Variants in SAV1 observed in about 807,000 individuals in gnomAD.
The protein encoded by SAV1 is protein salvador homolog 1.
SAV1 carries 23 observed loss-of-function variants against 47.3 expected under a neutral mutation model. The observed-to-expected ratio is 0.49, with a 90% CI of 0.35 to 0.69. The LOEUF is 0.69. SAV1 is among the 30% of genes least tolerant of loss of function. The probability of loss-of-function intolerance (pLI) is 0.01; values close to 1 mark genes in which losing one functional copy is unlikely to be tolerated. For synonymous variants in SAV1, 155 were observed against 159.2 expected (o/e 0.97, Z 0.20); for missense variants, 448 against 457.4 (o/e 0.98, Z 0.19).
intron 1 of SAV1, among the ~76,000 whole-genome samples, chr14:50,666,403 C>T (rs535899240): frequency 2.3e-4 from 35 of 152,244 alleles, no homozygotes; most frequent in Non-Finnish European, 4.6e-4. Flanking sequence ...AAGCAAATAC[C>T]TTTAAAACAA....
chr14:50,667,371 A>G (rs2039910793), intron 1 of SAV1: 1 of 455,190 alleles, frequency 2.2e-6, no homozygotes, highest in Non-Finnish European at 4.4e-6. Flanking sequence ...GAACGACGGT[A>G]TGCTTTTCAC....
chr14:50,645,571 TAA>T (rs578119398), intron 2 of SAV1, among the ~76,000 whole-genome samples: 2 of 145,978 alleles, frequency 1.4e-5, no homozygotes, highest in African/African-American at 5.0e-5. Flanking sequence ...TATTCCAAAA[TAA>T]AAAAAAAAAT....
At chr14:50,643,049 A>C (rs1047059782) in intron 3 of SAV1, among the ~76,000 whole-genome samples, 1 of 152,218 alleles carries the variant, frequency 6.6e-6, no homozygotes, top group African/African-American at 2.4e-5. Flanking sequence ...ACCTAATGTA[A>C]GTCAAGAATT....
intron 2 of SAV1, among the ~76,000 whole-genome samples, chr14:50,655,221 A>G (rs1215978956): frequency 6.6e-6 from 1 of 152,198 alleles, no homozygotes; most frequent in Non-Finnish European, 1.5e-5. Context: ...AAATTACTTT[A>G]CATTCTAATA....
At chr14:50,658,036 T>C (rs1389791466) in intron 2 of SAV1, among the ~76,000 whole-genome samples, 1 of 152,168 alleles carries the variant, frequency 6.6e-6, no homozygotes, top group African/African-American at 2.4e-5. Flanking sequence ...CTACACATTA[T>C]TAGCATGTGT....
At chr14:50,666,675 C>A (rs2039903844) in intron 1 of SAV1, among the ~76,000 whole-genome samples, 1 of 151,870 alleles carries the variant, frequency 6.6e-6, no homozygotes, top group African/African-American at 2.4e-5. Flanking sequence ...AAACATAATT[C>A]ACGATTTCAA....
At chr14:50,660,283 C>CA (rs1566747295) in intron 2 of SAV1, among the ~76,000 whole-genome samples, 1 of 152,192 alleles carries the variant, frequency 6.6e-6, no homozygotes, top group Non-Finnish European at 1.5e-5. Flanking sequence ...CCCTAGCCCC[C>CA]TGCCTGCCAA....
rs1400233277 is a variant in SAV1 at position 50,668,116 on chromosome 14, G to C, written c.-149C>G. 2.5e-6 allele frequency: 1 copy of C among 401,820 alleles called. No individual in the cohort carries two copies. The highest frequency in any genetic ancestry group is 4.6e-5 in the East Asian group (1 of 21,948). The allele number at this position is 401,820 out of a possible 1,614,324, so 24.9% of individuals were successfully genotyped here. On this transcript the variant is annotated 5_prime_UTR_variant, in exon 1 of 5. Coordinates refer to ENST00000324679, the MANE Select transcript of SAV1 (RefSeq NM_021818.4). ...CGCCGCCGCCTGTCCGGAGCCCGGG[G>C]TCGCCCGCAGGGACTGCCGCATGTT...
chr14:50,660,911 A>G, intron 2 of SAV1, among the ~76,000 whole-genome samples: 1 of 152,212 alleles, frequency 6.6e-6, no homozygotes, highest in East Asian at 1.9e-4. Flanking sequence ...AAATGACATG[A>G]TAAACATGGG....
At chr14:50,661,013 G>A (rs1445270813) in intron 2 of SAV1, among the ~76,000 whole-genome samples, 2 of 152,122 alleles carry the variant, frequency 1.3e-5, no homozygotes, top group South Asian at 2.1e-4. Flanking sequence ...TTCTGTTTTC[G>A]GTTTTCTGAG....
chr14:50,665,251 C>G lies in SAV1; in HGVS notation c.463G>C (p.Asp155His). The change falls in exon 2 of 5, where the codon GAC becomes CAC. Residue 155 changes from aspartate (D) to histidine (H), a missense_variant. By Grantham distance (81) the Asp-to-His change is moderately conservative. Coordinates refer to ENST00000324679, the MANE Select transcript of SAV1 (RefSeq NM_021818.4). ...TGGTTGTATTCATAATATCTGTAGT[C>G]TTCATGTGCACGATCTCCAAGTGGC... ...KRPLGDRAHE[D>H]YRYYEYNHDL... 1 of 1,613,730 alleles carries G rather than the reference C, an allele frequency of 6.2e-7. No individual in the cohort carries two copies. The highest frequency in any genetic ancestry group is 8.5e-7 in the Non-Finnish European group (1 of 1,179,766).
At chr14:50,636,221 A>C (rs2039633685) in intron 4 of SAV1, among the ~76,000 whole-genome samples, 1 of 152,212 alleles carries the variant, frequency 6.6e-6, no homozygotes, top group South Asian at 2.1e-4. Context: ...TCAGGAACTT[A>C]AGAATACTTT....
intron 2 of SAV1, among the ~76,000 whole-genome samples, chr14:50,652,892 G>T (rs748261078): frequency 6.6e-6 from 1 of 152,164 alleles, no homozygotes; most frequent in Admixed American, 6.5e-5. Flanking sequence ...TTAGCCAGGC[G>T]TGGTGGCACG....
At chr14:50,655,669 A>G (rs560441085) in intron 2 of SAV1, among the ~76,000 whole-genome samples, 1 of 151,710 alleles carries the variant, frequency 6.6e-6, no homozygotes, top group South Asian at 2.1e-4. Flanking sequence ...TAGGTGATCC[A>G]TCTGTCTTGG....
chr14:50,657,313 C>G (rs1473385286), intron 2 of SAV1, among the ~76,000 whole-genome samples: 8 of 152,168 alleles, frequency 5.3e-5, no homozygotes, highest in Non-Finnish European at 1.2e-4. Flanking sequence ...GAAATACTCA[C>G]TCTTACAAAG....
chr14:50,651,314 C>G (rs951126014), intron 2 of SAV1, among the ~76,000 whole-genome samples: 1 of 151,966 alleles, frequency 6.6e-6, no homozygotes, highest in Non-Finnish European at 1.5e-5. Flanking sequence ...TAATTTGTAT[C>G]TATTTTCATA....
chr14:50,667,785 G>A (rs2039915647), intron 1 of SAV1, 89 bp downstream of exon 1: 2 of 941,838 alleles, frequency 2.1e-6, no homozygotes, highest in South Asian at 1.4e-5. Flanking sequence ...CGAAGGAGAA[G>A]CCCTGGAGAC....
At chr14:50,636,209 T>C (rs775000427) in intron 4 of SAV1, among the ~76,000 whole-genome samples, 1 of 152,204 alleles carries the variant, frequency 6.6e-6, no homozygotes, top group Non-Finnish European at 1.5e-5. Context: ...AAAAGTTAAC[T>C]GTCAGGAACT....
chr14:50,651,819 C>G (rs549145376), intron 2 of SAV1, among the ~76,000 whole-genome samples: 26 of 152,176 alleles, frequency 1.7e-4, no homozygotes, highest in African/African-American at 6.3e-4. Flanking sequence ...TTTGTAAAGA[C>G]AGGGTCTCAC....
Sources: gnomAD v4.1 joint callset for allele counts (sites outside exome capture counted in the v4.1 genomes callset) on GRCh38, gnomAD v4.1.1 for gene constraint, MANE v1.5 for transcripts, NCBI Gene and HGNC (gene_info 2026-07-23, HGNC 2026-07-21) for gene names.